EPRS1: variants seen among roughly 807,000 people sequenced by gnomAD.
EPRS1 encodes the protein bifunctional glutamate/proline--tRNA ligase.
Under a neutral mutation model 188.3 loss-of-function variants are expected in EPRS1, and 107 were observed. The observed-to-expected ratio is 0.57, with a 90% CI of 0.49 to 0.67. The LOEUF (loss-of-function observed/expected upper bound fraction) is 0.67. EPRS1 is among the 30% of genes least tolerant of loss of function. The probability of loss-of-function intolerance (pLI) is 0.00; values close to 1 mark genes in which losing one functional copy is unlikely to be tolerated. For missense variants in EPRS1, 1,577 were observed against 1,802.2 expected (o/e 0.88, Z 2.26); for synonymous variants, 596 against 593.1 (o/e 1.00, Z -0.07).
At chr1:220,027,540 C>G (rs978460159) in intron 6 of EPRS1, among the ~76,000 whole-genome samples, 3 of 124,936 alleles carry the variant, frequency 2.4e-5, no homozygotes, top group African/African-American at 9.3e-5. Flanking sequence ...TGCAGTGAGC[C>G]AAGATCGCGC....
At chr1:220,028,464 C>T (rs1438455401) in intron 6 of EPRS1, among the ~76,000 whole-genome samples, 2 of 31,262 alleles carry the variant, frequency 6.4e-5, no homozygotes, top group South Asian at 1.1e-3. Context: ...CACACACACA[C>T]GCGCACACAC....
chr1:219,997,024 C>T lies in EPRS1; in HGVS notation c.2500G>A (p.Gly834Arg), dbSNP rs1661248420. The T allele has an allele frequency of 6.2e-7, 1 of 1,611,930 alleles. No individual in the cohort carries two copies. The highest frequency in any genetic ancestry group is 1.1e-5 in the South Asian group (1 of 90,702). Reference sequence around the variant, plus strand: ...GCTTTTAGCTTACGAACCACCTCCCCTTGTGCAGCAACTTCATCATACAGA... The same window carrying T: ...GCTTTTAGCTTACGAACCACCTCCCTTTGTGCAGCAACTTCATCATACAGA... ...KSLYDEVAAQ[G>R]EVVRKLKAEK... Residue 834 changes from glycine to arginine, a missense_variant, in exon 18 of 32, where the codon GGG becomes AGG. Physicochemically the swap from Gly to Arg is moderately radical, Grantham distance 125. This residue lies in a region of EPRS1 where 1,278 missense variants were observed against 1,457.4 expected (regional missense o/e 0.88). Transcript: ENST00000366923.
At position 219,968,610 on chromosome 1, in the gene EPRS1, ATATT is replaced by A; in HGVS notation, c.*192_*195del. 1.8e-6 allele frequency: 1 copy of A among 554,694 alleles called. No individual in the cohort carries two copies. Among genetic ancestry groups the A allele is most frequent in the South Asian group, 2.6e-5 (1 of 38,674 alleles). The allele number at this position is 554,694 out of a possible 1,614,324, so 34.4% of individuals were successfully genotyped here. A position where few individuals can be genotyped will look rare whatever the true frequency, so the allele number is the denominator to read the frequency against. ...AATACAAAAACCATATTAGTTCATG[ATATT>A]TATTACTGGAGTTGTTTACAGAAAA... is the stretch of plus-strand genomic sequence containing the variant. On this transcript the variant is annotated 3_prime_UTR_variant, in exon 32 of 32. Transcript: ENST00000366923.
rs150171990 is a variant in EPRS1, at chr1:220,021,902, G to A, written c.1115+445C>T. ...AAAGGTCCATTTAAAACAAAGATTC[G>A]TTAACCTACAAATCCACATTGAAAA... On this transcript the variant is annotated intron_variant, in intron 9 of 31. Coordinates refer to ENST00000366923, the MANE Select transcript of EPRS1 (RefSeq NM_004446.3). Among the ~76,000 whole-genome samples, 229 of 151,558 alleles carry A rather than the reference G, an allele frequency of 1.5e-3. 1 individual carries two copies. The highest frequency in any genetic ancestry group is 5.2e-3 in the African/African-American group (216 of 41,364).
intron 13 of EPRS1, among the ~76,000 whole-genome samples, chr1:220,009,915 G>A (rs1333302585): frequency 6.6e-6 from 1 of 151,804 alleles, no homozygotes; most frequent in African/African-American, 2.4e-5. Context: ...CCGCCAACAT[G>A]GCAAAACCCC....
At position 219,972,050 on chromosome 1, in the gene EPRS1, G is replaced by A; in HGVS notation, c.4323+19C>T. On this transcript the variant is annotated intron_variant, in intron 30 of 31. Coordinates refer to ENST00000366923, the MANE Select transcript of EPRS1 (RefSeq NM_004446.3). ...TACTTAAATATTCTTATACTGAAAA[G>A]TTTTCCAAACTCTCTGACCTTTCCA... 1 of 1,513,358 alleles carries A rather than the reference G, an allele frequency of 6.6e-7. No individual in the cohort carries two copies. Among genetic ancestry groups the A allele is most frequent in the East Asian group, 2.3e-5 (1 of 43,152 alleles). 93.7% of individuals were successfully genotyped at this position (1,513,358 alleles called of 1,614,324 possible).
chr1:220,041,078 C>G (rs1014367529), intron 1 of EPRS1, among the ~76,000 whole-genome samples: 1 of 152,054 alleles, frequency 6.6e-6, no homozygotes, highest in East Asian at 1.9e-4. Context: ...AGCCTATAAT[C>G]CCAGCACTTT....
At chr1:220,037,253 C>G (rs1052736313) in intron 2 of EPRS1, among the ~76,000 whole-genome samples, 3 of 152,016 alleles carry the variant, frequency 2.0e-5, no homozygotes, top group Non-Finnish European at 4.4e-5. Flanking sequence ...GCCTGTGATC[C>G]CAGCACTTTG....
At chr1:219,997,950 A>G (rs1661268381) in intron 17 of EPRS1, among the ~76,000 whole-genome samples, 1 of 152,170 alleles carries the variant, frequency 6.6e-6, no homozygotes, top group African/African-American at 2.4e-5. Context: ...TTTGTGTAAA[A>G]TTATAAATTT....
At chr1:220,028,987 A>G (rs1662037448) in intron 6 of EPRS1, among the ~76,000 whole-genome samples, 1 of 152,212 alleles carries the variant, frequency 6.6e-6, no homozygotes, top group Non-Finnish European at 1.5e-5. Flanking sequence ...AGGTAAATAT[A>G]TATTATACTG....
chr1:219,999,375 C>A (rs1661300666), intron 17 of EPRS1, among the ~76,000 whole-genome samples: 1 of 152,076 alleles, frequency 6.6e-6, no homozygotes, highest in South Asian at 2.1e-4. Flanking sequence ...TTTCCTCCCA[C>A]CAAGAAGGGG....
In EPRS1 at chr1:220,033,499, T is replaced by C; in HGVS notation, c.388+3A>G. ...ACAGAGGATTATTAAGAATTATTGA[T>C]ACCTTTTAGGGTGGCCCAAACACAT... On this transcript the variant is annotated splice_donor_region_variant and intron_variant, in intron 4 of 31. Coordinates refer to ENST00000366923, the MANE Select transcript of EPRS1 (RefSeq NM_004446.3). 1 of 1,580,560 alleles carries C rather than the reference T, an allele frequency of 6.3e-7. No homozygotes were observed. The highest frequency in any genetic ancestry group is 8.6e-7 in the Non-Finnish European group (1 of 1,166,908).
At chr1:219,996,561 T>C (rs1175021050) in intron 18 of EPRS1, among the ~76,000 whole-genome samples, 1 of 152,220 alleles carries the variant, frequency 6.6e-6, no homozygotes, top group Non-Finnish European at 1.5e-5. Context: ...TGGTGCACAG[T>C]AAAGCTTGAG....
intron 2 of EPRS1, among the ~76,000 whole-genome samples, chr1:220,039,528 T>C (rs1237716155): frequency 6.6e-6 from 1 of 151,786 alleles, no homozygotes; most frequent in Non-Finnish European, 1.5e-5. Context: ...TGATTTTTTT[T>C]TTTTTTTTGA....
rs71560597 is a variant in EPRS1 at position 220,044,681 on chromosome 1, C to CAAAAAAAAAAA, written c.46+1651_46+1661dup. 1.1e-3 allele frequency among the ~76,000 whole-genome samples: 93 copies of CAAAAAAAAAAA among 88,336 alleles called. 9 individuals are homozygous for CAAAAAAAAAAA. Among genetic ancestry groups the CAAAAAAAAAAA allele is most frequent in the African/African-American group, 3.2e-3 (77 of 24,116 alleles). The allele number at this position is 88,336 out of a possible 152,430, so 58.0% of individuals were successfully genotyped here. A position where few individuals can be genotyped will look rare whatever the true frequency, so the allele number is the denominator to read the frequency against. ...CAGAGGTTGCAATGAGCTCGGTCTC[C>CAAAAAAAAAAA]AAAAAAAAAAAAAAAAAAAAAAAAA... On this transcript the variant is annotated intron_variant, in intron 1 of 31. Transcript: ENST00000366923.
chr1:219,980,106 A>C lies in EPRS1; in HGVS notation c.3690T>G (p.Ser1230=). The stretch of plus-strand genomic sequence containing the variant: ...ATACCTGGATAGCTCTTCCACTAGC[A>C]GATATAAATGCTTCTATTGTAGTTG... ...DYTTTIEAFI[S]ASGRAIQGGT... Residue 1230 remains serine (S), a synonymous_variant, in exon 26 of 32, where the codon TCT becomes TCG. Transcript: ENST00000366923. 6.2e-7 allele frequency: 1 copy of C among 1,613,880 alleles called. No individual in the cohort carries two copies. Among genetic ancestry groups the C allele is most frequent in the South Asian group, 1.1e-5 (1 of 91,052 alleles).
intron 18 of EPRS1, among the ~76,000 whole-genome samples, chr1:219,992,295 A>T (rs1661138840): frequency 6.6e-6 from 1 of 152,248 alleles, no homozygotes; most frequent in South Asian, 2.1e-4. Context: ...GCCGTGAATT[A>T]AAATGCTGCA....
chr1:220,003,331 A>G (rs1289627032), intron 16 of EPRS1, among the ~76,000 whole-genome samples: 1 of 152,184 alleles, frequency 6.6e-6, no homozygotes, highest in Non-Finnish European at 1.5e-5. Flanking sequence ...GTCCTTTAAG[A>G]GACATATGTG....
In EPRS1 at chr1:219,983,268, T is replaced by G. The variant is rs1415384736; in HGVS notation, c.3221A>C (p.Glu1074Ala). Residue 1074 changes from glutamate to alanine, a missense_variant, in exon 22 of 32, where the codon GAA becomes GCA. Physicochemically the swap from Glu to Ala is moderately radical, Grantham distance 107. This residue lies in a region of EPRS1 where 1,278 missense variants were observed against 1,457.4 expected (regional missense o/e 0.88). Transcript: ENST00000366923. ...FDAEIKKLGV[E>A]NCYFPMFVSQ... ...CACAAACATGGGGAAGTAGCAGTTT[T>G]CAACACCAAGTTTCTTGATCTCAGC... The G allele has an allele frequency of 3.1e-6, 5 of 1,614,016 alleles. No homozygotes were observed. The Admixed American group carries it at 6.7e-5, about 22-fold the overall frequency.
Sources: gnomAD v4.1 joint callset for allele counts (sites outside exome capture counted in the v4.1 genomes callset) on GRCh38, gnomAD v4.1.1 for gene constraint, gnomAD v4.1.1 regional missense constraint, MANE v1.5 for transcripts, NCBI Gene and HGNC (gene_info 2026-07-23, HGNC 2026-07-21) for gene names.